Variants in NELL1 observed in about 807,000 individuals in gnomAD.
NELL1 encodes the protein neural EGFL like 1.
A neutral mutation model predicts 107.4 loss-of-function variants in NELL1; 76 were observed. The ratio of observed to expected loss-of-function variants is 0.71; its 90% CI spans 0.59 to 0.86. NELL1 has a LOEUF of 0.86. NELL1 is among the 40% of genes least tolerant of loss of function. NELL1 has a pLI of 0.00. For synonymous variants in NELL1, 353 were observed against 341.2 expected (o/e 1.03, Z -0.38); for missense variants, 1,024 against 1,005.5 (o/e 1.02, Z -0.25).
intron 13 of NELL1, among the ~76,000 whole-genome samples, chr11:21,122,165 G>T (rs1298444654): frequency 6.6e-6 from 1 of 152,116 alleles, no homozygotes; most frequent in African/African-American, 2.4e-5. Flanking sequence ...CTTGCCCCTA[G>T]GGTGTTTGTG....
intron 3 of NELL1, among the ~76,000 whole-genome samples, chr11:20,795,277 G>A (rs1478247314): frequency 2.0e-5 from 3 of 152,152 alleles, no homozygotes; most frequent in Non-Finnish European, 2.9e-5. Flanking sequence ...CAGATAAAAC[G>A]AAACAGAAAA....
intron 15 of NELL1, among the ~76,000 whole-genome samples, chr11:21,430,718 C>A (rs1246176496): frequency 6.6e-6 from 1 of 152,028 alleles, no homozygotes; most frequent in African/African-American, 2.4e-5. Flanking sequence ...TTTAGACAGC[C>A]AGAAATGGTA....
chr11:21,243,033 T>A (rs926256540), intron 14 of NELL1, among the ~76,000 whole-genome samples: 1 of 152,164 alleles, frequency 6.6e-6, no homozygotes, highest in African/African-American at 2.4e-5. Flanking sequence ...TTGTCCTTTT[T>A]AAACTTGCAA....
intron 13 of NELL1, among the ~76,000 whole-genome samples, chr11:21,184,957 G>T (rs1197026838): frequency 6.6e-6 from 1 of 151,802 alleles, no homozygotes; most frequent in Non-Finnish European, 1.5e-5. Context: ...GTATTTTGTT[G>T]TTAGCACCGA....
In NELL1 at chr11:21,062,753, A is replaced by G. The variant is rs530364689; in HGVS notation, c.1301-50836A>G. ...TCCCTGGGCTTGATAATTCATGGGA[A>G]CAAATCACAGAATTCAGGCAAGTTC... On this transcript the variant is annotated intron_variant, in intron 12 of 19. Coordinates refer to ENST00000357134, the MANE Select transcript of NELL1 (RefSeq NM_006157.5). 2.1e-4 allele frequency among the ~76,000 whole-genome samples: 32 copies of G among 152,270 alleles called. No individual in the cohort carries two copies. The South Asian group carries it at 5.4e-3, about 26-fold the overall frequency.
intron 2 of NELL1, among the ~76,000 whole-genome samples, chr11:20,699,855 T>C (rs981260574): frequency 2.0e-5 from 3 of 152,188 alleles, no homozygotes; most frequent in African/African-American, 4.8e-5. Flanking sequence ...GGAATCTCCA[T>C]ACTGTTTTCC....
intron 12 of NELL1, among the ~76,000 whole-genome samples, chr11:21,066,485 C>T (rs181946853): frequency 1.3e-5 from 2 of 152,202 alleles, no homozygotes; most frequent in East Asian, 3.9e-4. Flanking sequence ...CTTTTCAATC[C>T]ACAGCTTTTC....
chr11:20,737,415 G>T (rs944179310), intron 2 of NELL1, among the ~76,000 whole-genome samples: 3 of 152,066 alleles, frequency 2.0e-5, no homozygotes, highest in Non-Finnish European at 2.9e-5. Context: ...TTATAAAAAA[G>T]CAACAATTAT....
At chr11:21,290,710 G>C (rs1034515017) in intron 14 of NELL1, among the ~76,000 whole-genome samples, 1 of 152,202 alleles carries the variant, frequency 6.6e-6, no homozygotes, top group African/African-American at 2.4e-5. Flanking sequence ...ACAGGGTCTG[G>C]AGTGGACCTT....
In NELL1 at chr11:21,273,084, T is replaced by G. The variant is rs563271544; in HGVS notation, c.1549+43630T>G. On this transcript the variant is annotated intron_variant, in intron 14 of 19. Coordinates refer to ENST00000357134, the MANE Select transcript of NELL1 (RefSeq NM_006157.5). Reference sequence around the variant, plus strand: ...CTTTGACGAGTTGAGAGAAGAAGGCTTCAGACGATCAAACTACTCCGAGCT... The same window carrying G: ...CTTTGACGAGTTGAGAGAAGAAGGCGTCAGACGATCAAACTACTCCGAGCT... 1.9e-3 allele frequency among the ~76,000 whole-genome samples: 294 copies of G among 152,202 alleles called. 1 individual carries two copies. Among genetic ancestry groups the G allele is most frequent in the African/African-American group, 6.7e-3 (278 of 41,538 alleles).
chr11:20,949,043 G>T (rs1326736136), intron 11 of NELL1, among the ~76,000 whole-genome samples: 1 of 152,100 alleles, frequency 6.6e-6, no homozygotes, highest in Non-Finnish European at 1.5e-5. Flanking sequence ...CCGACAAGAG[G>T]TTTCTGTTAC....
At chr11:21,227,375 C>T (rs908371124) in intron 13 of NELL1, among the ~76,000 whole-genome samples, 2 of 152,188 alleles carry the variant, frequency 1.3e-5, no homozygotes, top group Admixed American at 6.5e-5. Context: ...AAAAGGTCAA[C>T]TACTTATAAC....
intron 15 of NELL1, among the ~76,000 whole-genome samples, chr11:21,431,236 A>C (rs1243248429): frequency 6.6e-6 from 1 of 152,204 alleles, no homozygotes; most frequent in Middle Eastern, 3.4e-3. Flanking sequence ...TGATATATTT[A>C]ATAACTGTCC....
chr11:21,372,572 G>C (rs978155787), intron 15 of NELL1, among the ~76,000 whole-genome samples: 1 of 151,892 alleles, frequency 6.6e-6, no homozygotes. Context: ...AAACACAGTT[G>C]TATCTCACAA....
intron 12 of NELL1, among the ~76,000 whole-genome samples, chr11:21,103,274 G>T (rs1471922486): frequency 5.3e-5 from 8 of 152,160 alleles, no homozygotes. Context: ...CCTAAAGCCT[G>T]TTCACTCTAT....
At chr11:21,524,223 C>T (rs1027973266) in intron 15 of NELL1, among the ~76,000 whole-genome samples, 1 of 152,112 alleles carries the variant, frequency 6.6e-6, no homozygotes, top group Non-Finnish European at 1.5e-5. Flanking sequence ...GTTATTTAAA[C>T]ATGTACACCT....
rs547584641 is a variant in NELL1, at chr11:21,220,281, A to G, written c.1427-9051A>G. Among the ~76,000 whole-genome samples the G allele has an allele frequency of 2.0e-5, 3 of 152,208 alleles. No homozygotes were observed. In the South Asian group the frequency reaches 6.2e-4, roughly 32 times the overall value. ...ACCATAGCTTTGTAGTATATTTTGA[A>G]GTCAGGTAGTGTGATGTCTTCAGCT... On this transcript the variant is annotated intron_variant, in intron 13 of 19. Transcript: ENST00000357134.
Position 20,676,473 on chromosome 11 carries a change from TG to T in NELL1, c.56-1456del, listed in dbSNP as rs58105011. Among the ~76,000 whole-genome samples the T allele has an allele frequency of 5.6e-3, 852 of 152,300 alleles. 8 individuals are homozygous for T. The highest frequency in any genetic ancestry group is 0.019 in the African/African-American group (807 of 41,556). On this transcript the variant is annotated intron_variant, in intron 1 of 19. Transcript: ENST00000357134. ...AGAGTGAATGGAAGGAAGACATCTT[TG>T]GGTCAACTGGAAGGGGAAAACTTAA...
intron 12 of NELL1, among the ~76,000 whole-genome samples, chr11:21,042,640 A>T (rs555669728): frequency 6.6e-6 from 1 of 152,022 alleles, no homozygotes; most frequent in African/African-American, 2.4e-5. Flanking sequence ...TTCTGGAGAC[A>T]GTGGCTTCCT....
Sources: gnomAD v4.1 joint callset for allele counts (sites outside exome capture counted in the v4.1 genomes callset) on GRCh38, gnomAD v4.1.1 for gene constraint, MANE v1.5 for transcripts, NCBI Gene and HGNC (gene_info 2026-07-23, HGNC 2026-07-21) for gene names.